The following BRINP1 variants were observed in gnomAD, a reference collection of about 807,000 sequenced individuals.
BRINP1 encodes BMP/retinoic acid inducible neural specific 1.
BRINP1 carries 17 observed loss-of-function variants against 72.9 expected under a neutral mutation model. That is an observed-to-expected ratio of 0.23 (90% CI 0.16 to 0.35). The LOEUF (loss-of-function observed/expected upper bound fraction) is 0.35, where lower values mean the gene tolerates loss of function less well. BRINP1 is among the 10% of genes least tolerant of loss of function. BRINP1 has a pLI of 1.00. For synonymous variants in BRINP1, 418 were observed against 378.5 expected (o/e 1.10, Z -1.21); for missense variants, 850 against 1,001.6 (o/e 0.85, Z 2.04).
At chr9:119,358,697 G>GA (rs1238375322) in intron 1 of BRINP1, among the ~76,000 whole-genome samples, 49 of 150,494 alleles carry the variant, frequency 3.3e-4, no homozygotes, top group Admixed American at 8.6e-4. Flanking sequence ...CCATCTCCAA[G>GA]AAAAAAAAAG....
At chr9:119,309,358 T>G (rs1231372758) in intron 2 of BRINP1, among the ~76,000 whole-genome samples, 2 of 152,146 alleles carry the variant, frequency 1.3e-5, no homozygotes, top group African/African-American at 4.8e-5. Flanking sequence ...TAAGGGCCCA[T>G]GTTCGGAAGT....
chr9:119,293,460 C>G (rs528897273), intron 2 of BRINP1, among the ~76,000 whole-genome samples: 3 of 151,986 alleles, frequency 2.0e-5, no homozygotes, highest in African/African-American at 7.3e-5. Flanking sequence ...AAAGCACCAG[C>G]GATGTACCTA....
chr9:119,321,716 A>C (rs1454749240), intron 1 of BRINP1, among the ~76,000 whole-genome samples: 2 of 152,208 alleles, frequency 1.3e-5, no homozygotes, highest in African/African-American at 4.8e-5. Flanking sequence ...TGGCCTCCCA[A>C]AGTGCTGGGA....
chr9:119,257,005 T>C (rs1365618212), intron 2 of BRINP1, among the ~76,000 whole-genome samples: 2 of 151,976 alleles, frequency 1.3e-5, no homozygotes, highest in African/African-American at 4.8e-5. Flanking sequence ...GAATAGAAAA[T>C]GAAGTTTGGG....
chr9:119,184,081 A>G (rs986321495), intron 7 of BRINP1, among the ~76,000 whole-genome samples: 7 of 152,092 alleles, frequency 4.6e-5, no homozygotes, highest in Non-Finnish European at 8.8e-5. Context: ...TCCGAGCCAC[A>G]GGGGGGGAGA....
At chr9:119,309,976 G>A (rs1458989934) in intron 2 of BRINP1, among the ~76,000 whole-genome samples, 1 of 152,124 alleles carries the variant, frequency 6.6e-6, no homozygotes, top group Non-Finnish European at 1.5e-5. Flanking sequence ...TTCCCAGGAT[G>A]AGAAAGCTGG....
chr9:119,352,260 T>C (rs1831514486), intron 1 of BRINP1, among the ~76,000 whole-genome samples: 1 of 152,214 alleles, frequency 6.6e-6, no homozygotes, highest in South Asian at 2.1e-4. Context: ...AGCATGACGT[T>C]TCCTTCATAG....
At chr9:119,366,203 G>T (rs1587975262) in intron 1 of BRINP1, among the ~76,000 whole-genome samples, 1 of 152,112 alleles carries the variant, frequency 6.6e-6, no homozygotes, top group African/African-American at 2.4e-5. Flanking sequence ...ACCTATGCAT[G>T]TGTGCTTGCA....
chr9:119,248,218 T>C (rs1830343228), intron 3 of BRINP1, among the ~76,000 whole-genome samples: 1 of 152,158 alleles, frequency 6.6e-6, no homozygotes, highest in African/African-American at 2.4e-5. Flanking sequence ...ACTTTGTGAG[T>C]ATGTGGCACA....
intron 7 of BRINP1, among the ~76,000 whole-genome samples, chr9:119,193,147 AT>A (rs1039822373): frequency 1.3e-4 from 20 of 152,048 alleles, no homozygotes; most frequent in African/African-American, 3.4e-4. Flanking sequence ...TTTTATTAAA[AT>A]TTTTTTTATC....
rs950433491 is a variant in BRINP1, at chr9:119,312,446, G to C, written c.218+692C>G. On this transcript the variant is annotated intron_variant, in intron 2 of 7. Coordinates refer to ENST00000265922, the MANE Select transcript of BRINP1 (RefSeq NM_014618.3). The stretch of plus-strand genomic sequence containing the variant: ...TGATTCCAAATGATTTTAAATTAAA[G>C]AGGTGTTAGTGTAGAGAGCTGTGGA... 1.2e-4 allele frequency among the ~76,000 whole-genome samples: 18 copies of C among 152,306 alleles called. No individual in the cohort carries two copies. In the East Asian group the frequency reaches 3.3e-3, roughly 28 times the overall value.
chr9:119,313,170 A>T lies in BRINP1; in HGVS notation c.186T>A (p.Arg62=). The T allele has an allele frequency of 6.2e-7, 1 of 1,614,136 alleles. No homozygotes were observed. The highest frequency in any genetic ancestry group is 1.1e-5 in the South Asian group (1 of 91,076). Residue 62 remains arginine (R), a synonymous_variant, in exon 2 of 8, where the codon CGT becomes CGA. Coordinates refer to ENST00000265922, the MANE Select transcript of BRINP1 (RefSeq NM_014618.3). Reference sequence around the variant, plus strand: ...TTTTATATCTGGTTGTAAATCCTTGACGGTGTCTTTCCACAAAGGATAGGT... The same window carrying T: ...TTTTATATCTGGTTGTAAATCCTTGTCGGTGTCTTTCCACAAAGGATAGGT... The part of the protein sequence containing the change: ...RSYLSFVERH[R]QGFTTRYKIY...
At chr9:119,219,243 C>T (rs1187239159) in intron 5 of BRINP1, among the ~76,000 whole-genome samples, 1 of 152,040 alleles carries the variant, frequency 6.6e-6, no homozygotes, top group Non-Finnish European at 1.5e-5. Flanking sequence ...TGTTAGGTTG[C>T]CCCCCATTTA....
Position 119,328,421 on chromosome 9 carries a change from C to T in BRINP1, c.-50-15016G>A, listed in dbSNP as rs868146265. Among the ~76,000 whole-genome samples the T allele has an allele frequency of 2.6e-5, 4 of 152,042 alleles. No individual in the cohort carries two copies. The South Asian group carries it at 8.3e-4, about 32-fold the overall frequency. On this transcript the variant is annotated intron_variant, in intron 1 of 7. Coordinates refer to ENST00000265922, the MANE Select transcript of BRINP1 (RefSeq NM_014618.3). ...AGCAAATGGCTCTCCTTTCTCCCTA[C>T]CAGAGAGGGAAGCCAAGAGTCAATG...
chr9:119,361,895 C>A (rs1831636962), intron 1 of BRINP1, among the ~76,000 whole-genome samples: 1 of 151,310 alleles, frequency 6.6e-6, no homozygotes, highest in South Asian at 2.1e-4. Flanking sequence ...CCTCTGCCTC[C>A]CGGGTTCAAG....
At chr9:119,261,758 C>T (rs577753386) in intron 2 of BRINP1, among the ~76,000 whole-genome samples, 110 of 151,482 alleles carry the variant, frequency 7.3e-4, no homozygotes, top group African/African-American at 2.6e-3. Context: ...TCTTTTCTTT[C>T]TTTCTCTCTT....
At chr9:119,169,586 G>C (rs1829374851) in intron 7 of BRINP1, among the ~76,000 whole-genome samples, 2 of 152,246 alleles carry the variant, frequency 1.3e-5, no homozygotes, top group African/African-American at 4.8e-5. Flanking sequence ...GCTTGATTAG[G>C]TAAACAAAGC....
At chr9:119,178,418 T>C (rs1829513225) in intron 7 of BRINP1, among the ~76,000 whole-genome samples, 1 of 152,220 alleles carries the variant, frequency 6.6e-6, no homozygotes, top group South Asian at 2.1e-4. Context: ...AAAGCTCATT[T>C]CATTGTTTGT....
intron 6 of BRINP1, among the ~76,000 whole-genome samples, chr9:119,210,790 T>C (rs1048885521): frequency 1.3e-5 from 2 of 152,220 alleles, no homozygotes; most frequent in East Asian, 3.8e-4. Context: ...CCTTATTCTC[T>C]CAAGGCGTCA....
Sources: allele counts gnomAD v4.1 joint callset (sites outside exome capture counted in the v4.1 genomes callset), GRCh38; gene constraint gnomAD v4.1.1; transcripts MANE v1.5; gene names NCBI Gene and HGNC (gene_info 2026-07-23, HGNC 2026-07-21).